PTPRF: variants seen among roughly 807,000 people sequenced by gnomAD.
PTPRF encodes receptor-type tyrosine-protein phosphatase F.
PTPRF carries 59 observed loss-of-function variants against 201.8 expected under a neutral mutation model. That is an observed-to-expected ratio of 0.29 (90% CI 0.24 to 0.36). The LOEUF (loss-of-function observed/expected upper bound fraction) is 0.36, where lower values mean the gene tolerates loss of function less well. PTPRF is among the 10% of genes least tolerant of loss of function. PTPRF has a pLI of 1.00. For synonymous variants in PTPRF, 1,088 were observed against 1,089.7 expected, an observed-to-expected ratio of 1.00 and a Z score of 0.03; for missense variants, 2,132 against 2,690.5, an observed-to-expected ratio of 0.79 and a Z score of 4.59.
chr1:43,599,147 C>T (rs1653116947), intron 13 of PTPRF, among the ~76,000 whole-genome samples: 1 of 152,134 alleles, frequency 6.6e-6, no homozygotes, highest in Non-Finnish European at 1.5e-5. Context: ...TCACTCTTGT[C>T]GCCTAGGCTG....
intron 5 of PTPRF, among the ~76,000 whole-genome samples, chr1:43,557,011 C>A (rs1265436740): frequency 2.0e-5 from 3 of 152,246 alleles, no homozygotes; most frequent in South Asian, 4.1e-4. Flanking sequence ...GACCTGTTTC[C>A]CCACTCGTGA....
intron 6 of PTPRF, among the ~76,000 whole-genome samples, chr1:43,576,842 G>T (rs56169483): frequency 0.012 from 1,783 of 152,266 alleles, 35 homozygotes; most frequent in African/African-American, 0.04. Context: ...TAGACCTTCA[G>T]AGCTCAGGAC....
In PTPRF at chr1:43,613,363, G is replaced by A. The variant is rs1656953983; in HGVS notation, c.3974-255G>A. The A allele has an allele frequency of 8.8e-6, 4 of 453,646 alleles. No individual in the cohort carries two copies. The South Asian group carries it at 9.2e-5, about 10-fold the overall frequency. 28.1% of individuals were successfully genotyped at this position (453,646 alleles called of 1,614,324 possible). A position where few individuals can be genotyped will look rare whatever the true frequency, so the allele number is the denominator to read the frequency against. ...CTCTTCCATCTTGAGAGACCTGCCA[G>A]GCAGGGCCTAGTGCCCCCACTCAGC... On this transcript the variant is annotated intron_variant, in intron 22 of 33. Coordinates refer to ENST00000359947, the MANE Select transcript of PTPRF (RefSeq NM_002840.5).
rs1488258662 is a variant in PTPRF at position 43,553,012 on chromosome 1, CG to C, written c.92-478del. The stretch of plus-strand genomic sequence containing the variant: ...AGAGGGAGGAGTCTCGGTTCCTGGC[CG>C]GAGCCCCGGGGTGGATGGTGGTGCC... On this transcript the variant is annotated intron_variant, in intron 3 of 33. Transcript: ENST00000359947. The surrounding 1 kb of genome is among the most constrained non-coding windows in gnomAD (Gnocchi z 4.1). Among the ~76,000 whole-genome samples the C allele has an allele frequency of 1.3e-5, 2 of 152,050 alleles. No homozygotes were observed. The highest frequency in any genetic ancestry group is 4.8e-5 in the African/African-American group (2 of 41,394).
intron 2 of PTPRF, among the ~76,000 whole-genome samples, chr1:43,543,830 T>C (rs116501913): frequency 0.029 from 4,410 of 152,276 alleles, 213 homozygotes; most frequent in African/African-American, 0.097. Flanking sequence ...TTCACCGTCA[T>C]GCACTCTGCT....
chr1:43,611,707 CAAGTGA>C (rs1029438744), intron 22 of PTPRF, among the ~76,000 whole-genome samples: 5 of 152,142 alleles, frequency 3.3e-5, no homozygotes, highest in African/African-American at 1.2e-4. Flanking sequence ...GGCCAGCAAC[CAAGTGA>C]AAGGTGGCAG....
intron 8 of PTPRF, among the ~76,000 whole-genome samples, chr1:43,590,151 C>T (rs1424416792): frequency 6.6e-6 from 1 of 152,168 alleles, no homozygotes; most frequent in Non-Finnish European, 1.5e-5. Context: ...CCTTGCCTGG[C>T]CCCTTCTGTC....
intron 1 of PTPRF, among the ~76,000 whole-genome samples, chr1:43,536,721 C>T (rs1644036481): frequency 6.6e-6 from 1 of 152,150 alleles, no homozygotes; most frequent in Non-Finnish European, 1.5e-5. Context: ...AGCCTGTATG[C>T]TGGGAGCAGC....
In PTPRF at chr1:43,603,043, T is replaced by C. The variant is rs1381064843; in HGVS notation, c.2341-373T>C. Among the ~76,000 whole-genome samples, 2 of 152,290 alleles carry C rather than the reference T, an allele frequency of 1.3e-5. No individual in the cohort carries two copies. Among genetic ancestry groups the C allele is most frequent in the East Asian group, 3.9e-4 (2 of 5,178 alleles). The stretch of plus-strand genomic sequence containing the variant: ...CTGCTTATGCAGGAGCTGTAGGCTG[T>C]GTGCGTGTGGCTGCCAAGAGCCACG... On this transcript the variant is annotated intron_variant, in intron 14 of 33. Coordinates refer to ENST00000359947, the MANE Select transcript of PTPRF (RefSeq NM_002840.5). The surrounding 1 kb of genome is among the most constrained non-coding windows in gnomAD (Gnocchi z 5.8).
At chr1:43,595,750 G>A (rs1175440330) in intron 11 of PTPRF, among the ~76,000 whole-genome samples, 1 of 152,118 alleles carries the variant, frequency 6.6e-6, no homozygotes, top group African/African-American at 2.4e-5. Flanking sequence ...AGTACGGTGG[G>A]GGGGTTGTAG....
At chr1:43,575,815 T>C (rs1245957649) in intron 6 of PTPRF, 1 of 1,132,218 alleles carries the variant, frequency 8.8e-7, no homozygotes, top group Non-Finnish European at 1.2e-6. Flanking sequence ...CCCTTTCTTG[T>C]GTTTTATTTT....
At chr1:43,569,014 G>A (rs1646379615) in intron 5 of PTPRF, among the ~76,000 whole-genome samples, 1 of 152,230 alleles carries the variant, frequency 6.6e-6, no homozygotes, top group Admixed American at 6.5e-5. Context: ...GTCAGGATCG[G>A]AGTTAGAAGG....
Position 43,617,468 on chromosome 1 carries a change from C to G in PTPRF, c.4095C>G (p.Phe1365Leu). The change falls in exon 24 of 34, where the codon TTC (phenylalanine) becomes TTG (leucine). Residue 1365 changes from phenylalanine (F) to leucine (L), a missense_variant. This residue lies in a region of PTPRF where 818 missense variants were observed against 915.3 expected (regional missense o/e 0.89). Coordinates refer to ENST00000359947, the MANE Select transcript of PTPRF (RefSeq NM_002840.5). ...AGTCCATCGACCCTGGACAGCAGTT[C>G]ACGTGGGAGAATTCAAACCTGGAGG... ...EYESIDPGQQ[F>L]TWENSNLEVN... The G allele has an allele frequency of 6.2e-7, 1 of 1,614,188 alleles. No homozygotes were observed. The highest frequency in any genetic ancestry group is 2.2e-5 in the East Asian group (1 of 44,870).
In PTPRF at chr1:43,605,282, G is replaced by A. The variant is rs768529278; in HGVS notation, c.3228G>A (p.Val1076=). 1.9e-6 allele frequency: 3 copies of A among 1,613,200 alleles called. No individual in the cohort carries two copies. The highest frequency in any genetic ancestry group is 2.2e-5 in the East Asian group (1 of 44,848). ...DLQPNTEYSF[V]LMNRGSSAGG... is the part of the protein sequence containing the mutation. ...AGCCCAACACAGAGTACTCGTTTGT[G>A]CTGATGAACCGTGGCAGCAGCGCAG... The change falls in exon 18 of 34, where the codon GTG becomes GTA. Residue 1076 remains valine, a synonymous_variant. Coordinates refer to ENST00000359947, the MANE Select transcript of PTPRF (RefSeq NM_002840.5).
At chr1:43,591,775 C>A in intron 9 of PTPRF, 37 bp from the exon 10 acceptor site, 1 of 1,609,996 alleles carries the variant, frequency 6.2e-7, no homozygotes, top group Non-Finnish European at 8.5e-7. Context: ...TGACCTCACG[C>A]AGATGAGGCT....
chr1:43,582,339 C>T (rs1557766186), intron 7 of PTPRF: 1 of 152,290 alleles, frequency 6.6e-6, no homozygotes, highest in East Asian at 1.9e-4. Context: ...TTACATCTGA[C>T]TTTGTTCACA....
chr1:43,610,658 T>G (rs949235766), intron 22 of PTPRF, among the ~76,000 whole-genome samples: 1 of 152,224 alleles, frequency 6.6e-6, no homozygotes, highest in Non-Finnish European at 1.5e-5. Context: ...GCCGGGTGGA[T>G]CACCTGAGGT....
chr1:43,580,769 A>G (rs1226951110), intron 7 of PTPRF, among the ~76,000 whole-genome samples: 8 of 152,242 alleles, frequency 5.3e-5, no homozygotes, highest in Admixed American at 1.3e-4. Context: ...TCTGCTCACA[A>G]GACTGTAGGG....
At chr1:43,543,934 C>T (rs1200586540) in intron 2 of PTPRF, among the ~76,000 whole-genome samples, 1 of 152,252 alleles carries the variant, frequency 6.6e-6, no homozygotes, top group Non-Finnish European at 1.5e-5. Flanking sequence ...CCCTTCCATA[C>T]ATCCCCTGGT....
Sources: allele counts gnomAD v4.1 joint callset (sites outside exome capture counted in the v4.1 genomes callset), GRCh38; gene constraint gnomAD v4.1.1; regional missense constraint gnomAD v4.1.1; non-coding constraint Gnocchi (gnomAD v3.1); transcripts MANE v1.5; gene names NCBI Gene and HGNC (gene_info 2026-07-23, HGNC 2026-07-21).